The following SPMAP2 variants were observed in gnomAD, a reference collection of about 807,000 sequenced individuals.
SPMAP2 encodes sperm microtubule associated protein 2.
the SPMAP2 span, chr19:375,727 C>T: frequency 6.2e-7 from 1 of 1,608,822 alleles, no homozygotes; most frequent in African/African-American, 1.3e-5. Flanking sequence ...GAAAGTGCCT[C>T]TTTGGGATCC....
At chr19:363,689 A>G in the SPMAP2 span, among the ~76,000 whole-genome samples, 1 of 144,830 alleles carries the variant, frequency 6.9e-6, no homozygotes, top group East Asian at 2.2e-4. Context: ...GCCCGCCACC[A>G]CGCCCGACTA....
chr19:369,326 G>C, the SPMAP2 span, among the ~76,000 whole-genome samples: 6 of 152,180 alleles, frequency 3.9e-5, no homozygotes, highest in African/African-American at 1.2e-4. Flanking sequence ...ACAATGGGGA[G>C]AGCCTGAGCT....
At chr19:369,792 A>G in the SPMAP2 span, among the ~76,000 whole-genome samples, 1 of 152,004 alleles carries the variant, frequency 6.6e-6, no homozygotes, top group Non-Finnish European at 1.5e-5. Flanking sequence ...TGGATCTCGC[A>G]AAGAACCTTC....
chr19:364,046 T>A, the SPMAP2 span, among the ~76,000 whole-genome samples: 1 of 151,896 alleles, frequency 6.6e-6, no homozygotes, highest in East Asian at 2.0e-4. Context: ...AAATAAAAAA[T>A]ATTTCGGTTG....
the SPMAP2 span, chr19:366,992 G>A: frequency 1.5e-5 from 22 of 1,513,218 alleles, 1 homozygote; most frequent in Admixed American, 2.6e-4. Context: ...GCCCGCTCTA[G>A]GCAGAGGTAT....
the SPMAP2 span, among the ~76,000 whole-genome samples, chr19:366,216 C>A: frequency 6.6e-6 from 1 of 152,196 alleles, no homozygotes; most frequent in African/African-American, 2.4e-5. Context: ...CACGCATGCA[C>A]ACGCACAAAC....
At chr19:375,758 C>T in the SPMAP2 span, 1 of 1,610,204 alleles carries the variant, frequency 6.2e-7, no homozygotes, top group East Asian at 2.2e-5. Context: ...GGAACTCCTC[C>T]CCGGCCACCT....
At chr19:374,453 T>A in the SPMAP2 span, 1 of 1,613,412 alleles carries the variant, frequency 6.2e-7, no homozygotes, top group Non-Finnish European at 8.5e-7. Flanking sequence ...AAGTTGGAGC[T>A]GCTTTCCCGC....
the SPMAP2 span, chr19:373,552 A>G: frequency 6.2e-7 from 1 of 1,610,624 alleles, no homozygotes; most frequent in Admixed American, 1.7e-5. Flanking sequence ...CGGACGGCTC[A>G]GGGCAAGGGA....
At chr19:375,772 C>CG in the SPMAP2 span, 80 of 1,609,938 alleles carry the variant, frequency 5.0e-5, no homozygotes, top group Middle Eastern at 3.3e-4. Context: ...GCCACCTCCT[C>CG]GGGGGGAAGC....
chr19:366,310 A>G, the SPMAP2 span, among the ~76,000 whole-genome samples: 3 of 152,162 alleles, frequency 2.0e-5, no homozygotes, highest in South Asian at 2.1e-4. Flanking sequence ...GTACCAGTGT[A>G]TCGATGTTCA....
At chr19:372,112 G>A in the SPMAP2 span, among the ~76,000 whole-genome samples, 1 of 152,360 alleles carries the variant, frequency 6.6e-6, no homozygotes, top group East Asian at 1.9e-4. Flanking sequence ...TGTCAGAAGT[G>A]GTTCAAAACA....
At chr19:374,030 C>G in the SPMAP2 span, 9 of 1,610,978 alleles carry the variant, frequency 5.6e-6, no homozygotes, top group Middle Eastern at 1.7e-4. Context: ...AGACAGGGTC[C>G]GAGCCCCACT....
At chr19:365,652 G>C in the SPMAP2 span, among the ~76,000 whole-genome samples, 1 of 122,966 alleles carries the variant, frequency 8.1e-6, no homozygotes, top group East Asian at 2.7e-4. Flanking sequence ...CCACACACTC[G>C]CTCTTACCCC....
At chr19:364,552 G>A in the SPMAP2 span, among the ~76,000 whole-genome samples, 1 of 151,584 alleles carries the variant, frequency 6.6e-6, no homozygotes, top group Non-Finnish European at 1.5e-5. Flanking sequence ...CTGAAAGGGG[G>A]ACTCAGGGGG....
At chr19:369,675 CG>C in the SPMAP2 span, among the ~76,000 whole-genome samples, 1 of 152,126 alleles carries the variant, frequency 6.6e-6, no homozygotes, top group Non-Finnish European at 1.5e-5. Flanking sequence ...CTGGTGCAGG[CG>C]GGCTGAGTCC....
the SPMAP2 span, chr19:362,267 G>A: frequency 4.4e-6 from 7 of 1,593,912 alleles, no homozygotes; most frequent in Non-Finnish European, 4.3e-6. Flanking sequence ...GCTCATAGAG[G>A]CGAGGGGACG....
At chr19:374,362 C>T in the SPMAP2 span, 108 of 1,614,146 alleles carry the variant, frequency 6.7e-5, no homozygotes, top group East Asian at 6.5e-4. Flanking sequence ...CCTCCGCCTC[C>T]TCCTCTTCCT....
At chr19:371,419 T>C in the SPMAP2 span, 26 of 549,234 alleles carry the variant, frequency 4.7e-5, no homozygotes, top group Admixed American at 8.2e-4. Context: ...TGTCTGTCTG[T>C]CTTTCCCAGC....
Sources: allele counts gnomAD v4.1 joint callset (sites outside exome capture counted in the v4.1 genomes callset), GRCh38; gene constraint gnomAD v4.1.1; transcripts MANE v1.5; gene names NCBI Gene and HGNC (gene_info 2026-07-23, HGNC 2026-07-21).